Variants in GLIS3 observed in about 807,000 individuals in gnomAD.
GLIS3 encodes the protein zinc finger protein GLIS3.
In GLIS3, 53 loss-of-function variants were observed where a neutral mutation model predicts 78.6. That is an observed-to-expected ratio of 0.67 (90% CI 0.54 to 0.85). GLIS3 has a LOEUF of 0.85. Ranked by LOEUF, GLIS3 falls within the 40% of genes least tolerant of loss-of-function variation. The probability of loss-of-function intolerance (pLI) is 0.00; values close to 1 mark genes in which losing one functional copy is unlikely to be tolerated. For missense variants in GLIS3, 1,703 were observed against 1,231.1 expected, an observed-to-expected ratio of 1.38 and a Z score of -5.74; for synonymous variants, 684 against 509.9, an observed-to-expected ratio of 1.34 and a Z score of -4.60.
chr9:4,153,511 C>G (rs931191319), intron 2 of GLIS3, among the ~76,000 whole-genome samples: 2 of 152,158 alleles, frequency 1.3e-5, no homozygotes, highest in Non-Finnish European at 2.9e-5. Context: ...TTGCAGTGAG[C>G]TGAGATCACA....
At chr9:3,911,568 T>C (rs1179763939) in intron 6 of GLIS3, among the ~76,000 whole-genome samples, 1 of 152,224 alleles carries the variant, frequency 6.6e-6, no homozygotes, top group Non-Finnish European at 1.5e-5. Flanking sequence ...ACAACATTAG[T>C]AACCACTTAT....
chr9:4,075,194 C>T (rs1380224804), intron 4 of GLIS3, among the ~76,000 whole-genome samples: 3 of 152,052 alleles, frequency 2.0e-5, no homozygotes, highest in Non-Finnish European at 4.4e-5. Context: ...ATATGTCCAA[C>T]CTCATCAAAA....
intron 4 of GLIS3, among the ~76,000 whole-genome samples, chr9:4,043,149 C>T (rs925648290): frequency 3.3e-5 from 5 of 152,188 alleles, no homozygotes; most frequent in Non-Finnish European, 1.5e-5. Flanking sequence ...ACTCAAGGTC[C>T]CAATTTAACT....
chr9:3,858,476 C>G (rs576238932), intron 8 of GLIS3, among the ~76,000 whole-genome samples: 5 of 152,052 alleles, frequency 3.3e-5, no homozygotes, highest in Non-Finnish European at 5.9e-5. Context: ...ACTGCTATCT[C>G]AAGGACATGA....
At position 4,118,778 on chromosome 9, in the gene GLIS3, G is replaced by A. The variant is rs748155246; in HGVS notation, c.700C>T (p.Leu234Phe). 3.7e-6 allele frequency: 6 copies of A among 1,612,574 alleles called. No individual in the cohort carries two copies. The highest frequency in any genetic ancestry group is 3.4e-6 in the Non-Finnish European group (4 of 1,180,030). ...GAGCCGTGGTTGGAGAGCGAAGGGA[G>A]GGCCCTGTAGCCCTGGGACCACTCC... is the stretch of plus-strand genomic sequence containing the variant. ...KQEWSQGYRA[L>F]PSLSNHGSQN... Residue 234 changes from leucine (L) to phenylalanine (F), a missense_variant, in exon 4 of 11, where the codon CTC (leucine) becomes TTC (phenylalanine). By Grantham distance (22) the Leu-to-Phe change is conservative. Coordinates refer to ENST00000381971, the MANE Select transcript of GLIS3 (RefSeq NM_001042413.2). This position sits in a 1 kb window ranked among gnomAD's most constrained non-coding sequence, Gnocchi z 4.7.
At chr9:4,051,531 G>C (rs575252874) in intron 4 of GLIS3, among the ~76,000 whole-genome samples, 1 of 152,022 alleles carries the variant, frequency 6.6e-6, no homozygotes, top group South Asian at 2.1e-4. Context: ...GGAACTGAAA[G>C]AAAAAACAAA....
intron 4 of GLIS3, among the ~76,000 whole-genome samples, chr9:3,946,753 G>C (rs1263812556): frequency 2.6e-5 from 4 of 152,170 alleles, no homozygotes; most frequent in East Asian, 3.8e-4. Context: ...GAACGTGTTA[G>C]TAGCAATAAT....
intron 4 of GLIS3, among the ~76,000 whole-genome samples, chr9:4,062,798 G>A (rs977792158): frequency 4.9e-4 from 75 of 152,044 alleles, no homozygotes; most frequent in African/African-American, 1.6e-3. Flanking sequence ...GCACGGTGGC[G>A]GGCACCTGTA....
At chr9:4,047,784 T>C (rs965873128) in intron 4 of GLIS3, among the ~76,000 whole-genome samples, 1 of 152,130 alleles carries the variant, frequency 6.6e-6, no homozygotes, top group South Asian at 2.1e-4. Flanking sequence ...GGGAAAGACA[T>C]GAACCTGGGT....
intron 1 of GLIS3, among the ~76,000 whole-genome samples, chr9:4,295,929 G>T (rs578074653): frequency 1.3e-5 from 2 of 149,784 alleles, no homozygotes; most frequent in African/African-American, 4.9e-5. Flanking sequence ...ATGGCAACAA[G>T]TTTTTTTTTT....
At chr9:4,157,612 A>G (rs557422217) in intron 2 of GLIS3, among the ~76,000 whole-genome samples, 1 of 152,360 alleles carries the variant, frequency 6.6e-6, no homozygotes, top group African/African-American at 2.4e-5. Flanking sequence ...TAACTCTGCT[A>G]AATTATAACC....
the GLIS3 span, among the ~76,000 whole-genome samples, chr9:4,445,798 G>A: frequency 6.6e-6 from 1 of 152,128 alleles, no homozygotes; most frequent in Non-Finnish European, 1.5e-5. Context: ...ACCCCACTAT[G>A]AGGGCCATGC....
At chr9:4,338,054 G>GTGTGTC (rs1554659855) in intron 2 of GLIS3, among the ~76,000 whole-genome samples, 233 of 150,144 alleles carry the variant, frequency 1.6e-3, no homozygotes, top group African/African-American at 3.0e-3. Flanking sequence ...GTGTGTGTGT[G>GTGTGTC]TGTGTGTGTT....
chr9:4,124,426 T>A (rs1832414106), intron 3 of GLIS3, among the ~76,000 whole-genome samples: 1 of 152,236 alleles, frequency 6.6e-6, no homozygotes. Context: ...TTAATTATAC[T>A]TCTGCCTTCA....
chr9:4,141,128 A>G (rs956017748), intron 2 of GLIS3, among the ~76,000 whole-genome samples: 2 of 152,148 alleles, frequency 1.3e-5, no homozygotes, highest in African/African-American at 2.4e-5. Context: ...AGTCTTGTGT[A>G]GAAATCTAAA....
intron 4 of GLIS3, among the ~76,000 whole-genome samples, chr9:3,967,981 A>G (rs921728064): frequency 2.0e-5 from 3 of 152,226 alleles, no homozygotes; most frequent in African/African-American, 7.2e-5. Context: ...TCATATCTTC[A>G]AAAACTGGAA....
intron 4 of GLIS3, among the ~76,000 whole-genome samples, chr9:4,024,152 G>A (rs1823112718): frequency 6.6e-6 from 1 of 152,124 alleles, no homozygotes; most frequent in Non-Finnish European, 1.5e-5. Context: ...GAGCCAGAGC[G>A]AGGCAATTCT....
intron 2 of GLIS3, among the ~76,000 whole-genome samples, chr9:4,311,083 G>C (rs892741554): frequency 6.6e-6 from 1 of 152,222 alleles, no homozygotes; most frequent in African/African-American, 2.4e-5. Context: ...CTTCGCAGGA[G>C]TTCTTAATGC....
At position 4,117,896 on chromosome 9, in the gene GLIS3, G is replaced by A; in HGVS notation, c.1582C>T (p.Gln528Ter). 6.2e-7 allele frequency: 1 copy of A among 1,614,166 alleles called. No individual in the cohort carries two copies. Among genetic ancestry groups the A allele is most frequent in the Non-Finnish European group, 8.5e-7 (1 of 1,180,026 alleles). ...VRHIEKVHID[Q>*]RKGEDFTCFW... ...CAAGTGAAGTCCTCCCCTTTGCGCT[G>A]GTCGATGTGGACCTTCTCGATGTGC... Residue 528 changes from glutamine to a stop codon, truncating the protein, a stop_gained, in exon 4 of 11, where the codon CAG becomes TAG. Transcript: ENST00000381971. LOFTEE classifies it high-confidence loss of function.
Sources: gnomAD v4.1 joint callset for allele counts (sites outside exome capture counted in the v4.1 genomes callset) on GRCh38, gnomAD v4.1.1 for gene constraint, Gnocchi (gnomAD v3.1) non-coding constraint, MANE v1.5 for transcripts, NCBI Gene and HGNC (gene_info 2026-07-23, HGNC 2026-07-21) for gene names.